MAPK8: variants seen among roughly 807,000 people sequenced by gnomAD.
MAPK8 encodes the protein JUN N-terminal kinase.
Under a neutral mutation model 52.9 loss-of-function variants are expected in MAPK8, and 13 were observed. The ratio of observed to expected loss-of-function variants is 0.25; its 90% CI spans 0.16 to 0.39. MAPK8 has a LOEUF of 0.39. Among genes scored for constraint, MAPK8 ranks in the 10% least tolerant of loss-of-function variants. The pLI is 1.00. For missense variants in MAPK8, 300 were observed against 519.2 expected (o/e 0.58, Z 4.10); for synonymous variants, 191 against 169.8 (o/e 1.12, Z -0.97).
At chr10:48,342,795 T>A (rs1395246122) in intron 1 of MAPK8, among the ~76,000 whole-genome samples, 1 of 152,206 alleles carries the variant, frequency 6.6e-6, no homozygotes, top group African/African-American at 2.4e-5. Flanking sequence ...TTGAGGTGCC[T>A]TTTGAATGTC....
intron 1 of MAPK8, among the ~76,000 whole-genome samples, chr10:48,327,219 A>G (rs1843622085): frequency 6.6e-6 from 1 of 152,156 alleles, no homozygotes. Context: ...TGAGGGGAGT[A>G]GAGTAGATTT....
chr10:48,329,770 A>C (rs1208245066), intron 1 of MAPK8, among the ~76,000 whole-genome samples: 1 of 152,178 alleles, frequency 6.6e-6, no homozygotes, highest in Non-Finnish European at 1.5e-5. Flanking sequence ...ATGTGTTAAC[A>C]TAGGGTCCAT....
At chr10:48,412,653 C>T (rs1564602106) in intron 5 of MAPK8, among the ~76,000 whole-genome samples, 1 of 152,196 alleles carries the variant, frequency 6.6e-6, no homozygotes, top group African/African-American at 2.4e-5. Context: ...CTCTGTCTAA[C>T]CTTGGACCAG....
chr10:48,312,622 A>G (rs1842081171), intron 1 of MAPK8, among the ~76,000 whole-genome samples: 1 of 152,218 alleles, frequency 6.6e-6, no homozygotes, highest in African/African-American at 2.4e-5. Context: ...GACTTGTTCC[A>G]GGAAGGATGG....
At chr10:48,368,916 A>G (rs1163641003) in intron 1 of MAPK8, among the ~76,000 whole-genome samples, 1 of 152,114 alleles carries the variant, frequency 6.6e-6, no homozygotes, top group African/African-American at 2.4e-5. Flanking sequence ...TCTTAACTAT[A>G]CAGCTCTAAC....
chr10:48,407,490 A>T (rs988998017), intron 3 of MAPK8, among the ~76,000 whole-genome samples: 2 of 152,320 alleles, frequency 1.3e-5, no homozygotes, highest in East Asian at 1.9e-4. Context: ...GTTATATACC[A>T]CTACTAATCA....
intron 1 of MAPK8, among the ~76,000 whole-genome samples, chr10:48,382,730 C>T (rs2041072099): frequency 1.4e-5 from 2 of 147,890 alleles, no homozygotes; most frequent in Admixed American, 6.8e-5. Flanking sequence ...ACATAAAGGC[C>T]TTTCTTCTAC....
intron 5 of MAPK8, among the ~76,000 whole-genome samples, chr10:48,415,351 A>G (rs550968053): frequency 1.3e-5 from 2 of 152,332 alleles, no homozygotes; most frequent in African/African-American, 4.8e-5. Flanking sequence ...TTCCAGATTA[A>G]TGAGGATAGC....
At chr10:48,307,003 C>G (rs1300946747) in intron 1 of MAPK8, 182 bp downstream of exon 1, 1 of 152,018 alleles carries the variant, frequency 6.6e-6, no homozygotes. Flanking sequence ...CGGGGGCCAG[C>G]CGAGGGGGCG....
At chr10:48,353,634 A>G (rs1289855522) in intron 1 of MAPK8, among the ~76,000 whole-genome samples, 1 of 152,204 alleles carries the variant, frequency 6.6e-6, no homozygotes, top group Non-Finnish European at 1.5e-5. Context: ...AAACATGGAA[A>G]AAAAAATCTC....
At chr10:48,425,063 G>T in intron 7 of MAPK8, 1 of 637,850 alleles carries the variant, frequency 1.6e-6, no homozygotes, top group Non-Finnish European at 2.8e-6. Context: ...TAGTAGTTTT[G>T]TATGGTAACG....
rs560617399 is a variant in MAPK8, at chr10:48,413,012, A to G, written c.450+2844A>G. 3.3e-5 allele frequency among the ~76,000 whole-genome samples: 5 copies of G among 152,278 alleles called. No individual in the cohort carries two copies. In the East Asian group the frequency reaches 9.6e-4, roughly 29 times the overall value. ...TTATGTCTATATGATTTTGGCTACT[A>G]TAAATACCTCATATAAGCGGAATCA... is the stretch of plus-strand genomic sequence containing the variant. On this transcript the variant is annotated intron_variant, in intron 5 of 11. Coordinates refer to ENST00000374189, the MANE Select transcript of MAPK8 (RefSeq NM_001323329.2).
chr10:48,308,724 TGAG>T (rs775787541), intron 1 of MAPK8, among the ~76,000 whole-genome samples: 2 of 152,148 alleles, frequency 1.3e-5, no homozygotes, highest in Non-Finnish European at 2.9e-5. Flanking sequence ...TGTGGAAAAT[TGAG>T]GACAAAACCA....
At chr10:48,393,437 A>G (rs1231505682) in intron 1 of MAPK8, among the ~76,000 whole-genome samples, 1 of 152,154 alleles carries the variant, frequency 6.6e-6, no homozygotes, top group Non-Finnish European at 1.5e-5. Flanking sequence ...TAATCATTCT[A>G]AGATTCAGTT....
At chr10:48,328,648 CA>C (rs1843776494) in intron 1 of MAPK8, among the ~76,000 whole-genome samples, 1 of 152,214 alleles carries the variant, frequency 6.6e-6, no homozygotes, top group Non-Finnish European at 1.5e-5. Context: ...TTGAGATCAG[CA>C]CTTTTGCCTT....
intron 1 of MAPK8, among the ~76,000 whole-genome samples, chr10:48,392,754 A>G (rs933526341): frequency 4.6e-5 from 7 of 152,048 alleles, no homozygotes; most frequent in African/African-American, 1.7e-4. Context: ...GCTATATCAT[A>G]TATACTATAT....
intron 10 of MAPK8, among the ~76,000 whole-genome samples, chr10:48,429,139 A>AT (rs948983070): frequency 3.3e-5 from 5 of 151,830 alleles, no homozygotes; most frequent in Admixed American, 2.0e-4. Flanking sequence ...TTAAAAAAAA[A>AT]TTTTGTAGAG....
rs1305030799 is a variant in MAPK8, at chr10:48,341,224, G to A, written c.-50+34403G>A. On this transcript the variant is annotated intron_variant, in intron 1 of 11. Coordinates refer to ENST00000374189, the MANE Select transcript of MAPK8 (RefSeq NM_001323329.2). Reference sequence around the variant, plus strand: ...GGACAGTGAAATGTTTTTTCCTTAGGAAAATCTAAACAGCTGTGGGTCTGG... The same window carrying A: ...GGACAGTGAAATGTTTTTTCCTTAGAAAAATCTAAACAGCTGTGGGTCTGG... Among the ~76,000 whole-genome samples, 7 of 152,232 alleles carry A rather than the reference G, an allele frequency of 4.6e-5. No homozygotes were observed. In the South Asian group the frequency reaches 8.3e-4, roughly 18 times the overall value.
At chr10:48,328,299 GC>G (rs1302487662) in intron 1 of MAPK8, among the ~76,000 whole-genome samples, 3 of 148,278 alleles carry the variant, frequency 2.0e-5, no homozygotes, top group East Asian at 1.9e-4. Flanking sequence ...CAATGAGCCA[GC>G]TTTTTTTTTT....
Sources: gnomAD v4.1 joint callset for allele counts (sites outside exome capture counted in the v4.1 genomes callset) on GRCh38, gnomAD v4.1.1 for gene constraint, MANE v1.5 for transcripts, NCBI Gene and HGNC (gene_info 2026-07-23, HGNC 2026-07-21) for gene names.